The following DSCAM variants were observed in gnomAD, a reference collection of about 807,000 sequenced individuals.
DSCAM encodes the protein cell adhesion molecule DSCAM.
Under a neutral mutation model 217.7 loss-of-function variants are expected in DSCAM, and 47 were observed. The observed-to-expected ratio is 0.22, with a 90% CI of 0.17 to 0.28. The LOEUF is 0.28. Among genes scored for constraint, DSCAM ranks in the 10% least tolerant of loss-of-function variants. DSCAM has a pLI of 1.00. For missense variants in DSCAM, 2,080 were observed against 2,618.3 expected (o/e 0.79, Z 4.49); for synonymous variants, 1,056 against 1,015.3 (o/e 1.04, Z -0.76).
intron 3 of DSCAM, among the ~76,000 whole-genome samples, chr21:40,416,766 A>C (rs1277375970): frequency 1.3e-5 from 2 of 152,218 alleles, no homozygotes; most frequent in African/African-American, 4.8e-5. Context: ...GAGAGGTATT[A>C]TACTACTCTC....
intron 3 of DSCAM, among the ~76,000 whole-genome samples, chr21:40,487,618 T>C (rs1200387848): frequency 2.6e-5 from 4 of 152,092 alleles, no homozygotes; most frequent in East Asian, 3.9e-4. Flanking sequence ...TCAGCATAAC[T>C]GCAGGGTGGG....
chr21:40,287,363 G>A (rs190634838), intron 10 of DSCAM, among the ~76,000 whole-genome samples: 3 of 152,350 alleles, frequency 2.0e-5, no homozygotes, highest in East Asian at 1.9e-4. Context: ...GAGGGACTTA[G>A]GCTTGTCCTT....
intron 21 of DSCAM, among the ~76,000 whole-genome samples, chr21:40,093,076 G>A (rs533384842): frequency 9.2e-5 from 14 of 152,236 alleles, no homozygotes; most frequent in African/African-American, 2.2e-4. Flanking sequence ...GAATTGTGTC[G>A]TAAGGAAATT....
At chr21:40,684,813 G>A (rs1180823475) in intron 3 of DSCAM, among the ~76,000 whole-genome samples, 1 of 152,068 alleles carries the variant, frequency 6.6e-6, no homozygotes, top group African/African-American at 2.4e-5. Context: ...TTATTCTCTT[G>A]AATTTTCCTG....
chr21:40,485,750 A>T (rs913775930), intron 3 of DSCAM, among the ~76,000 whole-genome samples: 1 of 152,140 alleles, frequency 6.6e-6, no homozygotes, highest in African/African-American at 2.4e-5. Flanking sequence ...AAAATATCTT[A>T]AACCTGTATA....
chr21:40,398,637 C>CTTTTTTTTTTTTTTTT (rs538905441), intron 3 of DSCAM, among the ~76,000 whole-genome samples: 1 of 132,106 alleles, frequency 7.6e-6, no homozygotes, highest in Non-Finnish European at 1.6e-5. Flanking sequence ...TTTTTTCTTT[C>CTTTTTTTTTTTTTTTT]TTTTTTTTTT....
intron 3 of DSCAM, among the ~76,000 whole-genome samples, chr21:40,598,474 A>G (rs1319359429): frequency 7.6e-6 from 1 of 131,718 alleles, no homozygotes; most frequent in Non-Finnish European, 1.6e-5. Context: ...GACTATGTTT[A>G]GTTTGTAAGA....
At chr21:40,031,524 T>C (rs2088524243) in intron 32 of DSCAM, among the ~76,000 whole-genome samples, 1 of 152,152 alleles carries the variant, frequency 6.6e-6, no homozygotes, top group Admixed American at 6.5e-5. Context: ...ATAGTGTGTA[T>C]CAAAGACTGC....
chr21:40,514,571 C>T (rs1000192448), intron 3 of DSCAM, among the ~76,000 whole-genome samples: 25 of 152,278 alleles, frequency 1.6e-4, no homozygotes, highest in Middle Eastern at 6.8e-3. Flanking sequence ...TCACGTTGCA[C>T]CAGTGCATAT....
chr21:40,162,041 G>T (rs1166395377), intron 16 of DSCAM, among the ~76,000 whole-genome samples: 1 of 152,158 alleles, frequency 6.6e-6, no homozygotes, highest in African/African-American at 2.4e-5. Context: ...TATAACATGA[G>T]TTTGCAAGGA....
At chr21:40,775,822 T>G (rs78217891) in intron 1 of DSCAM, among the ~76,000 whole-genome samples, 2,884 of 152,300 alleles carry the variant, frequency 0.019, 36 homozygotes, top group Non-Finnish European at 0.028. Flanking sequence ...AAAGATGCAA[T>G]TTCTGGAGAT....
At chr21:40,754,651 C>G (rs2091258739) in intron 1 of DSCAM, among the ~76,000 whole-genome samples, 2 of 152,198 alleles carry the variant, frequency 1.3e-5, no homozygotes, top group Non-Finnish European at 2.9e-5. Context: ...CTTTCACCTG[C>G]CAAAGAGAGT....
chr21:40,146,977 C>T (rs964745853), intron 16 of DSCAM, among the ~76,000 whole-genome samples: 1 of 152,314 alleles, frequency 6.6e-6, no homozygotes, highest in Non-Finnish European at 1.5e-5. Flanking sequence ...CTGTAAACGT[C>T]ACCTATAAGT....
chr21:40,586,842 A>G (rs1399181066), intron 3 of DSCAM, among the ~76,000 whole-genome samples: 1 of 152,208 alleles, frequency 6.6e-6, no homozygotes, highest in Admixed American at 6.5e-5. Flanking sequence ...ACAATATGAC[A>G]GTCTTAATAG....
chr21:40,475,717 G>C (rs1158374610), intron 3 of DSCAM, among the ~76,000 whole-genome samples: 1 of 152,126 alleles, frequency 6.6e-6, no homozygotes, highest in African/African-American at 2.4e-5. Context: ...TGTAATCCCA[G>C]CTACTCAGGA....
chr21:40,525,408 T>C (rs1403951541), intron 3 of DSCAM, among the ~76,000 whole-genome samples: 1 of 151,838 alleles, frequency 6.6e-6, no homozygotes, highest in East Asian at 1.9e-4. Flanking sequence ...ACCAAAAGAG[T>C]GTGTGTGAGG....
intron 1 of DSCAM, among the ~76,000 whole-genome samples, chr21:40,795,242 AC>A (rs2091681625): frequency 6.6e-6 from 1 of 152,140 alleles, no homozygotes; most frequent in African/African-American, 2.4e-5. Flanking sequence ...TTCCTCTCAC[AC>A]AAACACATCT....
chr21:40,196,965 C>T (rs1343811718), intron 11 of DSCAM, among the ~76,000 whole-genome samples: 1 of 152,164 alleles, frequency 6.6e-6, no homozygotes, highest in African/African-American at 2.4e-5. Context: ...GGATTTGCAT[C>T]TATATTAACA....
intron 3 of DSCAM, among the ~76,000 whole-genome samples, chr21:40,507,224 C>T (rs1187219370): frequency 6.6e-6 from 1 of 152,018 alleles, no homozygotes; most frequent in Non-Finnish European, 1.5e-5. Flanking sequence ...TTGCAGTGAG[C>T]CGAGATCACG....
Sources: gnomAD v4.1 joint callset for allele counts (sites outside exome capture counted in the v4.1 genomes callset) on GRCh38, gnomAD v4.1.1 for gene constraint, MANE v1.5 for transcripts, NCBI Gene and HGNC (gene_info 2026-07-23, HGNC 2026-07-21) for gene names.